Variants in CNTNAP3B observed in about 807,000 individuals in gnomAD.
The protein encoded by CNTNAP3B is contactin associated protein family member 3B.
Under a neutral mutation model 108.9 loss-of-function variants are expected in CNTNAP3B, and 25 were observed. The ratio of observed to expected loss-of-function variants is 0.23; its 90% CI spans 0.17 to 0.32. CNTNAP3B has a LOEUF of 0.32. Among genes scored for constraint, CNTNAP3B ranks in the 10% least tolerant of loss-of-function variants. The pLI, the probability that CNTNAP3B is intolerant of heterozygous loss-of-function variation, is 1.00. For missense variants in CNTNAP3B, 252 were observed against 1,210.4 expected, an observed-to-expected ratio of 0.21 and a Z score of 11.75; for synonymous variants, 103 against 473.4, an observed-to-expected ratio of 0.22 and a Z score of 10.16.
intron 11 of CNTNAP3B, among the ~76,000 whole-genome samples, chr9:41,962,748 G>T (rs537828671): frequency 1.5e-4 from 22 of 151,710 alleles, no homozygotes; most frequent in African/African-American, 4.9e-4. Context: ...AAGGTCAGGA[G>T]ATCGAGACCA....
chr9:42,115,595 C>A (rs1828297454), intron 1 of CNTNAP3B, among the ~76,000 whole-genome samples: 2 of 129,878 alleles, frequency 1.5e-5, no homozygotes, highest in South Asian at 2.5e-4. Context: ...GATACCCAGG[C>A]AAACAGGGTC....
At position 42,096,998 on chromosome 9, in the gene CNTNAP3B, C is replaced by T. The variant is rs540685725; in HGVS notation, c.196+7631G>A. On this transcript the variant is annotated intron_variant, in intron 2 of 23. Transcript: ENST00000377561. The stretch of plus-strand genomic sequence containing the variant: ...ACTCCTGGGCTCAAGGTGATCCAAC[C>T]GCCTCAGCCTCCCAAAGTGCTGGGA... Among the ~76,000 whole-genome samples, 33 of 134,862 alleles carry T rather than the reference C, an allele frequency of 2.4e-4. 6 individuals carry two copies. Among genetic ancestry groups the T allele is most frequent in the African/African-American group, 8.4e-4 (28 of 33,360 alleles). The allele number at this position is 134,862 out of a possible 152,430, so 88.5% of individuals were successfully genotyped here.
At chr9:41,920,854 C>T (rs1257643690) in intron 17 of CNTNAP3B, among the ~76,000 whole-genome samples, 2 of 152,308 alleles carry the variant, frequency 1.3e-5, no homozygotes, top group Non-Finnish European at 2.9e-5. Context: ...GAAGGGGTGA[C>T]ACCATACCCC....
chr9:42,076,799 A>C, intron 3 of CNTNAP3B, 70 bp downstream of exon 3: 1 of 1,375,078 alleles, frequency 7.3e-7, no homozygotes, highest in South Asian at 1.3e-5. Flanking sequence ...TTTTCAAAGT[A>C]ATTCTTAAAA....
chr9:42,094,147 G>A lies in CNTNAP3B; in HGVS notation c.196+10482C>T, dbSNP rs114066580. Among the ~76,000 whole-genome samples, 20 of 138,606 alleles carry A rather than the reference G, an allele frequency of 1.4e-4. 3 individuals are homozygous for A. The highest frequency in any genetic ancestry group is 1.2e-3 in the South Asian group (5 of 4,266). The allele number at this position is 138,606 out of a possible 152,430, so 90.9% of individuals were successfully genotyped here. A position where few individuals can be genotyped will look rare whatever the true frequency, so the allele number is the denominator to read the frequency against. On this transcript the variant is annotated intron_variant, in intron 2 of 23. Coordinates refer to ENST00000377561, the MANE Select transcript of CNTNAP3B (RefSeq NM_001201380.3). ...CAAGGAAGTTAGAATTGCACAAAGCGTAAGAAAAGCATACAAACACCTAGT... is the reference window on the plus strand; with the variant it reads ...CAAGGAAGTTAGAATTGCACAAAGCATAAGAAAAGCATACAAACACCTAGT...
At chr9:41,943,382 T>G (rs1410199890) in intron 13 of CNTNAP3B, among the ~76,000 whole-genome samples, 31 of 145,134 alleles carry the variant, frequency 2.1e-4, no homozygotes, top group African/African-American at 7.4e-4. Context: ...AGATGGAGTC[T>G]CTCTCTGTCG....
intron 18 of CNTNAP3B, among the ~76,000 whole-genome samples, chr9:41,919,152 C>G (rs62536558): frequency 1.3e-5 from 2 of 151,662 alleles, no homozygotes; most frequent in Non-Finnish European, 2.9e-5. Flanking sequence ...TTTTTTTCCC[C>G]AAGACGGAGT....
chr9:42,023,892 G>T (rs1234445367), intron 3 of CNTNAP3B, among the ~76,000 whole-genome samples: 1 of 149,404 alleles, frequency 6.7e-6, no homozygotes, highest in Non-Finnish European at 1.5e-5. Flanking sequence ...AATATTGAAA[G>T]CTGCCATAGG....
chr9:41,932,045 C>A, intron 14 of CNTNAP3B, among the ~76,000 whole-genome samples: 1 of 152,096 alleles, frequency 6.6e-6, no homozygotes, highest in South Asian at 2.1e-4. Flanking sequence ...ATAAAGATAG[C>A]CAGTGTTTTT....
intron 3 of CNTNAP3B, among the ~76,000 whole-genome samples, chr9:42,014,486 T>C (rs1826185389): frequency 1.0e-5 from 1 of 99,668 alleles, no homozygotes; most frequent in South Asian, 2.9e-4. Flanking sequence ...TATTTTGCTG[T>C]ACTAAAGAAT....
At chr9:41,934,140 T>TACACACATATATATACAC (rs1824076540) in intron 14 of CNTNAP3B, among the ~76,000 whole-genome samples, 1 of 113,400 alleles carries the variant, frequency 8.8e-6, no homozygotes, top group Non-Finnish European at 1.9e-5. Flanking sequence ...CATATATATA[T>TACACACATATATATACAC]ACACACACAT....
chr9:42,070,889 A>G (rs1455696872), intron 3 of CNTNAP3B, among the ~76,000 whole-genome samples: 1 of 151,664 alleles, frequency 6.6e-6, no homozygotes, highest in Non-Finnish European at 1.5e-5. Flanking sequence ...AAAACGTCCC[A>G]TGACAGCTAG....
chr9:41,973,034 T>G (rs2118274005), intron 9 of CNTNAP3B, among the ~76,000 whole-genome samples: 1 of 134,222 alleles, frequency 7.5e-6, no homozygotes, highest in East Asian at 2.3e-4. Context: ...ACCACCCAGG[T>G]TCACAGCATT....
intron 14 of CNTNAP3B, among the ~76,000 whole-genome samples, chr9:41,931,145 C>A (rs1176065508): frequency 2.0e-5 from 3 of 152,280 alleles, no homozygotes; most frequent in African/African-American, 7.2e-5. Context: ...TTCATCATTG[C>A]AACACTTTTG....
In CNTNAP3B at chr9:42,110,434, C is replaced by A. The variant is rs1828173152; in HGVS notation, c.86-5695G>T. ...CTAATATGAGGGGACGGCACCTTAACCAGCTTCGAATTATCAGAAAAACAC... is the reference window on the plus strand; with the variant it reads ...CTAATATGAGGGGACGGCACCTTAAACAGCTTCGAATTATCAGAAAAACAC... On this transcript the variant is annotated intron_variant, in intron 1 of 23. Coordinates refer to ENST00000377561, the MANE Select transcript of CNTNAP3B (RefSeq NM_001201380.3). 2.9e-5 allele frequency among the ~76,000 whole-genome samples: 4 copies of A among 135,636 alleles called. 2 individuals are homozygous for A. Among genetic ancestry groups the A allele is most frequent in the Non-Finnish European group, 6.2e-5 (4 of 64,106 alleles). 89.0% of individuals were successfully genotyped at this position (135,636 alleles called of 152,430 possible).
chr9:41,964,261 GTTTCTACC>G (rs1310305619), intron 11 of CNTNAP3B, among the ~76,000 whole-genome samples: 7 of 151,926 alleles, frequency 4.6e-5, no homozygotes, highest in African/African-American at 1.7e-4. Context: ...ATTTAATTTA[GTTTCTACC>G]TTTTACTATA....
Position 42,123,460 on chromosome 9 carries a change from A to G in CNTNAP3B, c.85+5550T>C, listed in dbSNP as rs1409123628. Among the ~76,000 whole-genome samples, 3 of 129,682 alleles carry G rather than the reference A, an allele frequency of 2.3e-5. 1 individual carries two copies. The highest frequency in any genetic ancestry group is 4.8e-5 in the Non-Finnish European group (3 of 61,962). 85.1% of individuals were successfully genotyped at this position (129,682 alleles called of 152,430 possible). ...GTAATATTTTAGATCAAATCACTCC[A>G]TCAAGTCAAAGACTAATTCAACTGT... On this transcript the variant is annotated intron_variant, in intron 1 of 23. Coordinates refer to ENST00000377561, the MANE Select transcript of CNTNAP3B (RefSeq NM_001201380.3).
chr9:42,087,398 G>A (rs1322380202), intron 2 of CNTNAP3B, among the ~76,000 whole-genome samples: 1 of 126,498 alleles, frequency 7.9e-6, no homozygotes, highest in African/African-American at 3.1e-5. Flanking sequence ...ACCTTGAGAG[G>A]TGAGGTTACA....
At chr9:41,918,514 G>A (rs573730870) in intron 18 of CNTNAP3B, among the ~76,000 whole-genome samples, 32 of 144,746 alleles carry the variant, frequency 2.2e-4, no homozygotes, top group Non-Finnish European at 3.9e-4. Flanking sequence ...GTTGGGTGAT[G>A]ATCACTGTCT....
Sources: gnomAD v4.1 joint callset for allele counts (sites outside exome capture counted in the v4.1 genomes callset) on GRCh38, gnomAD v4.1.1 for gene constraint, MANE v1.5 for transcripts, NCBI Gene and HGNC (gene_info 2026-07-23, HGNC 2026-07-21) for gene names.